Variants in CUX2 observed in about 807,000 individuals in gnomAD.
CUX2 encodes the protein homeobox protein cut-like 2.
In CUX2, 40 loss-of-function variants were observed where a neutral mutation model predicts 144.8. The ratio of observed to expected loss-of-function variants is 0.28; its 90% CI spans 0.21 to 0.36. The LOEUF is 0.36. CUX2 is among the 10% of genes least tolerant of loss of function. The pLI is 1.00. For missense variants in CUX2, 1,615 were observed against 1,994.0 expected, an observed-to-expected ratio of 0.81 and a Z score of 3.62; for synonymous variants, 827 against 875.6, an observed-to-expected ratio of 0.94 and a Z score of 0.98.
At chr12:111,198,488 A>G (rs1272260010) in intron 1 of CUX2, among the ~76,000 whole-genome samples, 1 of 151,946 alleles carries the variant, frequency 6.6e-6, no homozygotes, top group East Asian at 1.9e-4. Flanking sequence ...AAAAAAAAAA[A>G]AAGTGTCTAT....
rs915100088 is a variant in CUX2, at chr12:111,057,917, G to A, written c.63+23677G>A. Among the ~76,000 whole-genome samples, 3 of 152,124 alleles carry A rather than the reference G, an allele frequency of 2.0e-5. No homozygotes were observed. Among genetic ancestry groups the A allele is most frequent in the Non-Finnish European group, 4.4e-5 (3 of 68,040 alleles). Reference sequence around the variant, plus strand: ...GGTAATGACTGAACGCGCTAACTCCGTTAGCAGCCCTGGAAGCATGTAATT... The same window carrying A: ...GGTAATGACTGAACGCGCTAACTCCATTAGCAGCCCTGGAAGCATGTAATT... On this transcript the variant is annotated intron_variant, in intron 1 of 21. Transcript: ENST00000261726. The surrounding 1 kb of genome is among the most constrained non-coding windows in gnomAD (Gnocchi z 5.1).
chr12:111,327,359 A>G (rs927790188), intron 18 of CUX2, among the ~76,000 whole-genome samples: 2 of 151,820 alleles, frequency 1.3e-5, no homozygotes, highest in Admixed American at 6.6e-5. Flanking sequence ...TTGTGTTTGA[A>G]CCCCCATTTT....
chr12:111,249,010 T>C (rs1283041569), intron 3 of CUX2, among the ~76,000 whole-genome samples: 1 of 152,240 alleles, frequency 6.6e-6, no homozygotes, highest in East Asian at 1.9e-4. Context: ...CAAGAAAATA[T>C]GTTGTCCATG....
intron 18 of CUX2, among the ~76,000 whole-genome samples, chr12:111,329,398 A>G (rs1051564466): frequency 8.6e-5 from 13 of 151,974 alleles, no homozygotes; most frequent in South Asian, 8.3e-4. Flanking sequence ...TCTTCCTGAT[A>G]GAGATAATTT....
rs1887944109 is a variant in CUX2, at chr12:111,328,842, C to A, written c.2927-5599C>A. 3.3e-5 allele frequency among the ~76,000 whole-genome samples: 5 copies of A among 152,010 alleles called. No individual in the cohort carries two copies. The South Asian group carries it at 1.0e-3, about 32-fold the overall frequency. On this transcript the variant is annotated intron_variant, in intron 18 of 21. Coordinates refer to ENST00000261726, the MANE Select transcript of CUX2 (RefSeq NM_015267.4). ...ACCTCAGGTGATCCACCCACCTTGG[C>A]CTCCCAAAGTGCTGGGATTACAGGC...
intron 18 of CUX2, among the ~76,000 whole-genome samples, chr12:111,326,240 T>G (rs1475082523): frequency 5.4e-5 from 1 of 18,484 alleles, no homozygotes. Flanking sequence ...TATAGTGTTG[T>G]GGTGGGGGAG....
chr12:111,143,063 CT>C (rs1276697560), intron 1 of CUX2, among the ~76,000 whole-genome samples: 1 of 152,212 alleles, frequency 6.6e-6, no homozygotes, highest in African/African-American at 2.4e-5. Context: ...TGCCCACTGT[CT>C]TTGCACTTTG....
intron 1 of CUX2, among the ~76,000 whole-genome samples, chr12:111,138,581 G>C (rs1159554472): frequency 6.6e-6 from 1 of 152,054 alleles, no homozygotes; most frequent in African/African-American, 2.4e-5. Context: ...TTTGGCTTCT[G>C]CTTAGGTTAA....
intron 1 of CUX2, among the ~76,000 whole-genome samples, chr12:111,052,842 C>A (rs1870342816): frequency 6.6e-6 from 1 of 152,232 alleles, no homozygotes; most frequent in Non-Finnish European, 1.5e-5. Context: ...CATTTAATGA[C>A]TTCCCCAAAG....
chr12:111,204,908 C>T (rs979178654), intron 1 of CUX2, among the ~76,000 whole-genome samples: 5 of 152,184 alleles, frequency 3.3e-5, no homozygotes, highest in African/African-American at 9.7e-5. Flanking sequence ...CTCTTTGATC[C>T]GAATGTGAAC....
At chr12:111,194,726 G>A (rs546755091) in intron 1 of CUX2, among the ~76,000 whole-genome samples, 10 of 152,348 alleles carry the variant, frequency 6.6e-5, no homozygotes, top group Non-Finnish European at 1.5e-4. Flanking sequence ...GGTCCCTGAT[G>A]TACCCGGTGC....
At chr12:111,220,772 AAAAAAAAAT>A (rs1881808293) in intron 3 of CUX2, among the ~76,000 whole-genome samples, 2 of 136,858 alleles carry the variant, frequency 1.5e-5, no homozygotes, top group African/African-American at 5.6e-5. Context: ...AAAAAAAAAA[AAAAAAAAAT>A]TTAAATGAGC....
chr12:111,318,238 C>CTTTTTTTTTTTTTTT (rs955839240), intron 16 of CUX2, among the ~76,000 whole-genome samples: 1 of 109,652 alleles, frequency 9.1e-6, no homozygotes, highest in African/African-American at 4.8e-5. Context: ...ATTTTTTTTT[C>CTTTTTTTTTTTTTTT]TTTTTTCTTT....
chr12:111,334,378 C>T lies in CUX2; in HGVS notation c.2927-63C>T. Reference sequence around the variant, plus strand: ...CTCTTGGCTGTAAGAAGCAAGCCTCCCGAAAGTGGATGTGTCTGTGCCAGA... The same window carrying T: ...CTCTTGGCTGTAAGAAGCAAGCCTCTCGAAAGTGGATGTGTCTGTGCCAGA... On this transcript the variant is annotated intron_variant, in intron 18 of 21. Transcript: ENST00000261726. 8 of 1,504,490 alleles carry T rather than the reference C, an allele frequency of 5.3e-6. No individual in the cohort carries two copies. In the South Asian group the frequency reaches 8.1e-5, roughly 15 times the overall value. 93.2% of individuals were successfully genotyped at this position (1,504,490 alleles called of 1,614,324 possible).
At chr12:111,346,239 G>A (rs1217851259) in intron 21 of CUX2, among the ~76,000 whole-genome samples, 2 of 151,518 alleles carry the variant, frequency 1.3e-5, no homozygotes, top group Admixed American at 6.6e-5. Flanking sequence ...ACTTTGGGAG[G>A]CCGAGGCTGG....
chr12:111,311,594 A>ATTTTTTTTTTTTTTTTTTTTTTTTTTT (rs767367160), intron 15 of CUX2, among the ~76,000 whole-genome samples: 1 of 133,678 alleles, frequency 7.5e-6, no homozygotes. Context: ...CTATTTCTTT[A>ATTTTTTTTTTTTTTTTTTTTTTTTTTT]TTATTATTAT....
At chr12:111,324,569 C>T (rs1477371009) in intron 18 of CUX2, among the ~76,000 whole-genome samples, 2 of 151,854 alleles carry the variant, frequency 1.3e-5, no homozygotes, top group Admixed American at 6.6e-5. Context: ...GGCATGATCT[C>T]GGCTCACTGC....
At chr12:111,042,516 C>T (rs1038611732) in intron 1 of CUX2, among the ~76,000 whole-genome samples, 4 of 152,250 alleles carry the variant, frequency 2.6e-5, no homozygotes, top group Non-Finnish European at 5.9e-5. Context: ...CCAGCTCTGC[C>T]ACTTACCAGC....
At chr12:111,152,373 C>T (rs1057119021) in intron 1 of CUX2, among the ~76,000 whole-genome samples, 5 of 152,124 alleles carry the variant, frequency 3.3e-5, no homozygotes, top group African/African-American at 1.2e-4. Flanking sequence ...TAGACCTGGG[C>T]GAGGTGACCA....
Sources: allele counts gnomAD v4.1 joint callset (sites outside exome capture counted in the v4.1 genomes callset), GRCh38; gene constraint gnomAD v4.1.1; non-coding constraint Gnocchi (gnomAD v3.1); transcripts MANE v1.5; gene names NCBI Gene and HGNC (gene_info 2026-07-23, HGNC 2026-07-21).